Variants in WWOX observed in about 807,000 individuals in gnomAD.
WWOX encodes WW domain containing oxidoreductase.
Under a neutral mutation model 46.2 loss-of-function variants are expected in WWOX, and 69 were observed. That is an observed-to-expected ratio of 1.49 (90% confidence interval 1.23 to 1.82). WWOX has a LOEUF of 1.82. WWOX is among the 40% of genes most tolerant of loss of function. WWOX has a pLI of 0.00. For missense variants in WWOX, 919 were observed against 542.6 expected (o/e 1.69, Z -6.89); for synonymous variants, 359 against 202.6 (o/e 1.77, Z -6.56).
intron 6 of WWOX, among the ~76,000 whole-genome samples, chr16:78,423,025 A>G (rs2082989191): frequency 6.6e-6 from 1 of 151,760 alleles, no homozygotes; most frequent in Admixed American, 6.6e-5. Context: ...AGCTGGGATT[A>G]CAGGCGTGTG....
intron 5 of WWOX, among the ~76,000 whole-genome samples, chr16:78,301,950 A>G (rs980256192): frequency 6.6e-6 from 1 of 151,498 alleles, no homozygotes; most frequent in African/African-American, 2.4e-5. Context: ...CTAAAATTAG[A>G]TGAGGGTGTT....
intron 8 of WWOX, among the ~76,000 whole-genome samples, chr16:79,137,417 T>G (rs2050003391): frequency 6.6e-6 from 1 of 152,220 alleles, no homozygotes; most frequent in Admixed American, 6.5e-5. Flanking sequence ...CTTGGAGATG[T>G]AAGCATTTAG....
chr16:78,358,616 C>A (rs111717195), intron 5 of WWOX, among the ~76,000 whole-genome samples: 2,194 of 152,166 alleles, frequency 0.014, 56 homozygotes, highest in African/African-American at 0.051. Flanking sequence ...CGAGATAGTT[C>A]TACTGCACTC....
intron 8 of WWOX, among the ~76,000 whole-genome samples, chr16:78,506,286 A>C (rs147354855): frequency 6.6e-6 from 1 of 152,228 alleles, no homozygotes; most frequent in East Asian, 1.9e-4. Context: ...GCGTGCTGAC[A>C]CTCTATATCG....
chr16:78,483,073 T>A (rs1432296596), intron 8 of WWOX, among the ~76,000 whole-genome samples: 1 of 152,206 alleles, frequency 6.6e-6, no homozygotes, highest in Non-Finnish European at 1.5e-5. Context: ...CTACCTTTTG[T>A]TGGCTTCAAG....
At chr16:78,515,428 G>C (rs534044617) in intron 8 of WWOX, among the ~76,000 whole-genome samples, 1 of 152,248 alleles carries the variant, frequency 6.6e-6, no homozygotes, top group African/African-American at 2.4e-5. Context: ...CTGTGTTTGA[G>C]AGGCACACTG....
At chr16:78,838,672 T>C (rs2052056508) in intron 8 of WWOX, among the ~76,000 whole-genome samples, 1 of 152,020 alleles carries the variant, frequency 6.6e-6, no homozygotes, top group African/African-American at 2.4e-5. Flanking sequence ...TGAAACCCCA[T>C]CTCTACTAAA....
In WWOX at chr16:79,134,478, G is replaced by A. The variant is rs551213564; in HGVS notation, c.1057-77130G>A. Among the ~76,000 whole-genome samples the A allele has an allele frequency of 3.3e-5, 5 of 152,270 alleles. No individual in the cohort carries two copies. The South Asian group carries it at 8.3e-4, about 25-fold the overall frequency. On this transcript the variant is annotated intron_variant, in intron 8 of 8. Coordinates refer to ENST00000566780, the MANE Select transcript of WWOX (RefSeq NM_016373.4). The stretch of plus-strand genomic sequence containing the variant: ...AGGGAGCTATGTGCAGAATGAGGTC[G>A]AGGTCATTGTGCCTGCGGATTGTTT...
chr16:78,433,427 T>G (rs11150079), intron 8 of WWOX, among the ~76,000 whole-genome samples: 1 of 152,170 alleles, frequency 6.6e-6, no homozygotes, highest in Non-Finnish European at 1.5e-5. Context: ...GTAGGAAGTA[T>G]TTTGAATGAA....
intron 8 of WWOX, among the ~76,000 whole-genome samples, chr16:78,662,148 G>C (rs1263415676): frequency 6.6e-6 from 1 of 152,162 alleles, no homozygotes; most frequent in African/African-American, 2.4e-5. Context: ...AGGATTAAGT[G>C]CTTCACAGTG....
At chr16:78,508,230 T>C (rs1370340335) in intron 8 of WWOX, among the ~76,000 whole-genome samples, 2 of 151,648 alleles carry the variant, frequency 1.3e-5, no homozygotes, top group Non-Finnish European at 2.9e-5. Context: ...GGGCTGGTCT[T>C]GAACTCCTGA....
Position 78,998,417 on chromosome 16 carries a change from A to G in WWOX, c.1057-213191A>G, listed in dbSNP as rs577511496. 2.0e-5 allele frequency among the ~76,000 whole-genome samples: 3 copies of G among 152,188 alleles called. No homozygotes were observed. In the East Asian group the frequency reaches 5.8e-4, roughly 30 times the overall value. ...ACTGCCTTCACAGAAGATGCTCCAC[A>G]TGTGTTTGTAGAAGGAACTTGGAAG... On this transcript the variant is annotated intron_variant, in intron 8 of 8. Coordinates refer to ENST00000566780, the MANE Select transcript of WWOX (RefSeq NM_016373.4).
chr16:78,583,679 G>A (rs375253273), intron 8 of WWOX, among the ~76,000 whole-genome samples: 340 of 152,180 alleles, frequency 2.2e-3, no homozygotes, highest in Non-Finnish European at 4.0e-3. Flanking sequence ...GCAGCGGGTT[G>A]GGGGGGTTGC....
chr16:78,740,439 G>A (rs750032225), intron 8 of WWOX, among the ~76,000 whole-genome samples: 1 of 152,110 alleles, frequency 6.6e-6, no homozygotes, highest in Non-Finnish European at 1.5e-5. Flanking sequence ...TTTGGACCCC[G>A]GCTGGCTGCG....
intron 8 of WWOX, among the ~76,000 whole-genome samples, chr16:78,882,568 C>A (rs1016157147): frequency 2.6e-5 from 4 of 151,856 alleles, no homozygotes; most frequent in African/African-American, 9.7e-5. Flanking sequence ...CCTCCTTCTC[C>A]CAGGTTCAAG....
chr16:79,036,402 T>C (rs142871714), intron 8 of WWOX, among the ~76,000 whole-genome samples: 90 of 152,334 alleles, frequency 5.9e-4, no homozygotes, highest in African/African-American at 2.1e-3. Flanking sequence ...TCTTGCCTCA[T>C]AGAATTATTG....
chr16:78,598,940 T>C (rs766629783), intron 8 of WWOX, among the ~76,000 whole-genome samples: 5 of 152,204 alleles, frequency 3.3e-5, no homozygotes, highest in African/African-American at 4.8e-5. Flanking sequence ...ACAGGGAAAC[T>C]GAAGCACAGG....
chr16:78,548,152 C>G (rs1343025184), intron 8 of WWOX, among the ~76,000 whole-genome samples: 1 of 34,270 alleles, frequency 2.9e-5, no homozygotes, highest in Non-Finnish European at 6.3e-5. Flanking sequence ...AAGACTGTCT[C>G]AAAAAAAAAA....
At chr16:78,123,428 G>GTTTTTTTTTTTTTTTTTTT (rs1330107026) in intron 4 of WWOX, 2 of 61,080 alleles carry the variant, frequency 3.3e-5, no homozygotes, top group Admixed American at 1.7e-4. Flanking sequence ...TTTTTTCTTT[G>GTTTTTTTTTTTTTTTTTTT]TTTTTTGTTT....
Sources: gnomAD v4.1 joint callset for allele counts (sites outside exome capture counted in the v4.1 genomes callset) on GRCh38, gnomAD v4.1.1 for gene constraint, MANE v1.5 for transcripts, NCBI Gene and HGNC (gene_info 2026-07-23, HGNC 2026-07-21) for gene names.